Variants in TMEM132C observed in about 807,000 individuals in gnomAD.
TMEM132C encodes the protein protein phosphatase 1, regulatory subunit 152.
In TMEM132C, 29 loss-of-function variants were observed where a neutral mutation model predicts 61.4. That is an observed-to-expected ratio of 0.47 (90% CI 0.35 to 0.64). The LOEUF (loss-of-function observed/expected upper bound fraction) is 0.64. Ranked by LOEUF, TMEM132C falls within the 30% of genes least tolerant of loss-of-function variation. The probability of loss-of-function intolerance (pLI) is 0.00; values close to 1 mark genes in which losing one functional copy is unlikely to be tolerated. For synonymous variants in TMEM132C, 656 were observed against 633.1 expected (o/e 1.04, Z -0.54); for missense variants, 1,408 against 1,476.9 (o/e 0.95, Z 0.76).
chr12:128,608,186 T>C (rs1279000912), intron 3 of TMEM132C, among the ~76,000 whole-genome samples: 4 of 152,218 alleles, frequency 2.6e-5, no homozygotes, highest in Non-Finnish European at 5.9e-5. Context: ...AGCTTCCACT[T>C]GGTGGGTAGT....
intron 1 of TMEM132C, among the ~76,000 whole-genome samples, chr12:128,295,041 C>CAA (rs10653858): frequency 0.68 from 100,915 of 148,630 alleles, 35,607 homozygotes; most frequent in Non-Finnish European, 0.78. Context: ...TGTCCCCCAG[C>CAA]AAAAAAAAAA....
chr12:128,309,028 CAGAA>C (rs1347925128), intron 1 of TMEM132C, among the ~76,000 whole-genome samples: 2 of 150,576 alleles, frequency 1.3e-5, no homozygotes, highest in Non-Finnish European at 3.0e-5. Context: ...TCTGTGATGA[CAGAA>C]AGTAGAGGAG....
chr12:128,532,647 A>C (rs1267085640), intron 2 of TMEM132C, among the ~76,000 whole-genome samples: 4 of 75,734 alleles, frequency 5.3e-5, no homozygotes, highest in Non-Finnish European at 1.7e-4. Context: ...TCTCAAAAAA[A>C]AAAAAAAAAA....
chr12:128,627,587 A>T (rs948557094), intron 4 of TMEM132C, among the ~76,000 whole-genome samples: 34 of 152,190 alleles, frequency 2.2e-4, no homozygotes, highest in African/African-American at 8.2e-4. Flanking sequence ...AGCAACGAGC[A>T]TAACAGACAT....
chr12:128,573,352 A>T (rs548888361), intron 3 of TMEM132C, among the ~76,000 whole-genome samples: 3 of 152,236 alleles, frequency 2.0e-5, no homozygotes, highest in Admixed American at 1.3e-4. Flanking sequence ...TATCACAAGG[A>T]CAGAAAACCA....
intron 2 of TMEM132C, among the ~76,000 whole-genome samples, chr12:128,500,533 G>C (rs1478514254): frequency 6.6e-6 from 1 of 151,930 alleles, no homozygotes; most frequent in Admixed American, 6.6e-5. Context: ...ATGAGCAACA[G>C]ATATGAGTAG....
chr12:128,686,042 C>CGCGTGTGTGCATGTGTGTGTGTGCAT (rs1954671042), intron 5 of TMEM132C, among the ~76,000 whole-genome samples: 1 of 95,488 alleles, frequency 1.0e-5, no homozygotes, highest in Non-Finnish European at 2.6e-5. Context: ...TGTGTATTCG[C>CGCGTGTGTGCATGTGTGTGTGTGCAT]GCGTGTGTGC....
At chr12:128,696,130 C>CT in intron 7 of TMEM132C, 27 bp downstream of exon 7, 4 of 1,545,114 alleles carry the variant, frequency 2.6e-6, no homozygotes, top group Non-Finnish European at 3.5e-6. Context: ...CTCTGTGTCC[C>CT]CAGCACTGGG....
chr12:128,624,093 C>T (rs1205376267), intron 4 of TMEM132C, among the ~76,000 whole-genome samples: 3 of 152,092 alleles, frequency 2.0e-5, no homozygotes, highest in Non-Finnish European at 4.4e-5. Flanking sequence ...CTGAGTCTAT[C>T]GTTTACTTAA....
At chr12:128,447,705 CTTTTTTTTTTTTTTTTTT>C (rs767506039) in intron 2 of TMEM132C, among the ~76,000 whole-genome samples, 13 of 58,630 alleles carry the variant, frequency 2.2e-4, no homozygotes, top group Middle Eastern at 0.014. Context: ...ATTTCAAGTG[CTTTTTTTTTTTTTTTTTT>C]TTTTTTTTTT....
At chr12:128,452,872 A>T (rs1464226139) in intron 2 of TMEM132C, among the ~76,000 whole-genome samples, 1 of 152,182 alleles carries the variant, frequency 6.6e-6, no homozygotes, top group Admixed American at 6.5e-5. Context: ...TTCATTTTTT[A>T]TCAAGTAGCA....
rs1279241208 is a variant in TMEM132C at position 128,694,046 on chromosome 12, A to T, written c.1655+12A>T. ...GTGACCAATAAGAGGTGAGCCTCGG[A>T]TGGGGAGATGCCCTAGAGCCAAAAC... On this transcript the variant is annotated intron_variant, in intron 6 of 8. Coordinates refer to ENST00000435159, the MANE Select transcript of TMEM132C (RefSeq NM_001136103.3). The T allele has an allele frequency of 3.9e-6, 6 of 1,551,078 alleles. No homozygotes were observed. The highest frequency in any genetic ancestry group is 3.6e-5 in the South Asian group (3 of 84,046).
chr12:128,540,473 C>CT, intron 2 of TMEM132C, among the ~76,000 whole-genome samples: 1 of 152,256 alleles, frequency 6.6e-6, no homozygotes, highest in East Asian at 1.9e-4. Context: ...AGGATAATCT[C>CT]TATCTGCTGA....
intron 5 of TMEM132C, 117 bp downstream of exon 5, chr12:128,669,677 C>T: frequency 8.0e-7 from 1 of 1,246,598 alleles, no homozygotes; most frequent in Non-Finnish European, 1.1e-6. Context: ...GGCTTATGTG[C>T]AACACACTTC....
At chr12:128,520,278 A>T (rs1328116950) in intron 2 of TMEM132C, among the ~76,000 whole-genome samples, 1 of 152,172 alleles carries the variant, frequency 6.6e-6, no homozygotes, top group East Asian at 1.9e-4. Context: ...GAGACTATAG[A>T]TGTCTACCAA....
intron 4 of TMEM132C, among the ~76,000 whole-genome samples, chr12:128,622,614 A>T (rs1290581447): frequency 6.6e-6 from 1 of 151,508 alleles, no homozygotes; most frequent in South Asian, 2.1e-4. Flanking sequence ...CACTGCAGAG[A>T]TGCTATCGGA....
At chr12:128,449,539 G>T (rs887944727) in intron 2 of TMEM132C, among the ~76,000 whole-genome samples, 2 of 152,166 alleles carry the variant, frequency 1.3e-5, no homozygotes, top group African/African-American at 4.8e-5. Context: ...TCTCCATTTG[G>T]ACTGAAGCCA....
chr12:128,531,795 G>A lies in TMEM132C; in HGVS notation c.975-12162G>A, dbSNP rs529958276. ...AAATCAAAGGGGGATGGCACAAGGG[G>A]TCAGGAGTCTGGGTCTTAGCCTGGA... On this transcript the variant is annotated intron_variant, in intron 2 of 8. Coordinates refer to ENST00000435159, the MANE Select transcript of TMEM132C (RefSeq NM_001136103.3). Among the ~76,000 whole-genome samples, 9 of 151,298 alleles carry A rather than the reference G, an allele frequency of 5.9e-5. No homozygotes were observed. In the East Asian group the frequency reaches 1.6e-3, roughly 26 times the overall value.
At chr12:128,494,912 C>T (rs1163300113) in intron 2 of TMEM132C, among the ~76,000 whole-genome samples, 1 of 151,280 alleles carries the variant, frequency 6.6e-6, no homozygotes, top group Non-Finnish European at 1.5e-5. Context: ...GCTCTTGCTT[C>T]TCTAGTTCTT....
Sources: gnomAD v4.1 joint callset for allele counts (sites outside exome capture counted in the v4.1 genomes callset) on GRCh38, gnomAD v4.1.1 for gene constraint, MANE v1.5 for transcripts, NCBI Gene and HGNC (gene_info 2026-07-23, HGNC 2026-07-21) for gene names.